CCDC159: variants seen among roughly 807,000 people sequenced by gnomAD.
The protein encoded by CCDC159 is coiled-coil domain containing 159, also known as coiled-coil domain-containing protein 159.
In CCDC159, 40 loss-of-function variants were observed where a neutral mutation model predicts 50.9. That is an observed-to-expected ratio of 0.79 (90% CI 0.61 to 1.02). The LOEUF (loss-of-function observed/expected upper bound fraction) is 1.02, where lower values mean the gene tolerates loss of function less well. Among genes scored for constraint, CCDC159 ranks in the 50% least tolerant of loss-of-function variants. The pLI, the probability that CCDC159 is intolerant of heterozygous loss-of-function variation, is 0.00. For synonymous variants in CCDC159, 146 were observed against 138.9 expected (o/e 1.05, Z -0.36); for missense variants, 356 against 371.5 (o/e 0.96, Z 0.34).
At chr19:11,347,834 G>T (rs1378237103) in intron 1 of CCDC159, among the ~76,000 whole-genome samples, 1 of 152,228 alleles carries the variant, frequency 6.6e-6, no homozygotes, top group Non-Finnish European at 1.5e-5. Flanking sequence ...CTATACTGGA[G>T]GGGGAGGGGA....
chr19:11,353,037 G>A (rs942266541), intron 7 of CCDC159, among the ~76,000 whole-genome samples: 2 of 152,062 alleles, frequency 1.3e-5, no homozygotes, highest in Non-Finnish European at 2.9e-5. Context: ...GCACTTGAAT[G>A]CAGTCTGGCA....
Position 11,350,175 on chromosome 19 carries a change from C to CA in CCDC159, c.205dup (p.Ile69AsnfsTer7), listed in dbSNP as rs1455862561. The CA allele has an allele frequency of 6.2e-7, 1 of 1,612,448 alleles. No homozygotes were observed. The highest frequency in any genetic ancestry group is 8.5e-7 in the Non-Finnish European group (1 of 1,179,426). On this transcript the variant is annotated frameshift_variant, in exon 4 of 11. Transcript: ENST00000458408. LOFTEE classifies it high-confidence loss of function. The stretch of plus-strand genomic sequence containing the variant: ...GTTGGAGAAGGAGAGCTGCTTGCAG[C>CA]AAATCAAGATTCAGCAGCTTGAAGG...
At position 11,351,938 on chromosome 19, in the gene CCDC159, T is replaced by C; in HGVS notation, c.455T>C (p.Val152Ala). 5 of 1,603,766 alleles carry C rather than the reference T, an allele frequency of 3.1e-6. No individual in the cohort carries two copies. The highest frequency in any genetic ancestry group is 1.1e-5 in the South Asian group (1 of 89,354). The change falls in exon 6 of 11, where the codon GTG (valine) becomes GCG (alanine). Residue 152 changes from valine to alanine, a missense_variant. Transcript: ENST00000458408. ...TTCCTGTGGGAGGAGCTGGAACTGG[T>C]GCGGGAGGAGGTGACCTTCATCTAT... Reference protein sequence around the residue: ...KKFLWEELELVREEVTFIYQK... With the variant: ...KKFLWEELELAREEVTFIYQK...
chr19:11,354,036 C>T (rs183739494), intron 9 of CCDC159, among the ~76,000 whole-genome samples, 162 bp downstream of exon 9: 1 of 152,290 alleles, frequency 6.6e-6, no homozygotes, highest in East Asian at 1.9e-4. Flanking sequence ...CTGGAGGTTT[C>T]ATCCAGGAGT....
Position 11,352,085 on chromosome 19 carries a change from C to T in CCDC159, c.519C>T (p.Asn173=), listed in dbSNP as rs752866672. 1.9e-6 allele frequency: 3 copies of T among 1,613,664 alleles called. No homozygotes were observed. The highest frequency in any genetic ancestry group is 8.5e-7 in the Non-Finnish European group (1 of 1,179,810). The change falls in exon 7 of 11, where the codon AAC becomes AAT. Residue 173 remains asparagine (N), a synonymous_variant. Transcript: ENST00000458408. The stretch of plus-strand genomic sequence containing the variant: ...CGCAGGAGGATGAGATCTCAGAGAA[C>T]TTGGTGAACATTCAGAAAATGCAGA... ...LQAQEDEISE[N]LVNIQKMQKT...
At chr19:11,353,696 T>G in intron 8 of CCDC159, 96 bp from the exon 9 acceptor site, 1 of 1,547,396 alleles carries the variant, frequency 6.5e-7, no homozygotes, top group Non-Finnish European at 8.8e-7. Context: ...CCCCTAGGAC[T>G]CACCCCACCA....
intron 7 of CCDC159, 48 bp from the exon 8 acceptor site, chr19:11,353,403 T>C: frequency 3.9e-6 from 6 of 1,529,458 alleles, no homozygotes; most frequent in East Asian, 2.5e-5. Context: ...CCTGGCACTA[T>C]TGTCATTATT....
At position 11,354,916 on chromosome 19, in the gene CCDC159, G is replaced by A. The variant is rs752448759; in HGVS notation, c.*39G>A. 1 of 1,608,952 alleles carries A rather than the reference G, an allele frequency of 6.2e-7. No individual in the cohort carries two copies. The highest frequency in any genetic ancestry group is 1.7e-5 in the Admixed American group (1 of 59,986). On this transcript the variant is annotated 3_prime_UTR_variant, in exon 11 of 11. Transcript: ENST00000458408. The stretch of plus-strand genomic sequence containing the variant: ...CTCTCCCTGAAGACCCCTCCAGAGA[G>A]AAAATAAACTAGCCCAGACCCTCCT...
chr19:11,349,532 C>T (rs1037086194), intron 1 of CCDC159, 122 bp from the exon 2 acceptor site: 53 of 1,297,430 alleles, frequency 4.1e-5, no homozygotes, highest in East Asian at 3.2e-4. Context: ...CCTGCACTTA[C>T]GGTTTGGGAC....
chr19:11,353,804 C>G lies in CCDC159; in HGVS notation c.702C>G (p.His234Gln), dbSNP rs377572115. ...KELSDIWSAV[H>Q]VLQNSIDSLT... ...TGTCTTCTTGCAGGTCTGCTGTGCA[C>G]GTGCTGCAGAACTCCATAGACAGCC... The change falls in exon 9 of 11, where the codon CAC (histidine) becomes CAG (glutamine). Residue 234 changes from histidine (H) to glutamine (Q), a missense_variant. Transcript: ENST00000458408. 5.6e-6 allele frequency: 9 copies of G among 1,597,412 alleles called. No homozygotes were observed. Among genetic ancestry groups the G allele is most frequent in the Admixed American group, 1.7e-5 (1 of 57,334 alleles).
In CCDC159 at chr19:11,349,253, G is replaced by A. The variant is rs1967438832; in HGVS notation, c.22-401G>A. On this transcript the variant is annotated intron_variant, in intron 1 of 10. Coordinates refer to ENST00000458408, the MANE Select transcript of CCDC159 (RefSeq NM_001080503.3). Reference sequence around the variant, plus strand: ...GAAAACCACTGCAATCTACTGCTGTGGGGCTTAGGGAAGGGGCTGTAAGGC... The same window carrying A: ...GAAAACCACTGCAATCTACTGCTGTAGGGCTTAGGGAAGGGGCTGTAAGGC... The A allele has an allele frequency of 5.4e-6, 6 of 1,101,516 alleles. No individual in the cohort carries two copies. In the Admixed American group the frequency reaches 1.5e-4, roughly 28 times the overall value. 68.2% of individuals were successfully genotyped at this position (1,101,516 alleles called of 1,614,324 possible).
In CCDC159 at chr19:11,352,044, C is replaced by A; in HGVS notation, c.491-13C>A. 1 of 1,613,462 alleles carries A rather than the reference C, an allele frequency of 6.2e-7. No individual in the cohort carries two copies. Among genetic ancestry groups the A allele is most frequent in the East Asian group, 2.2e-5 (1 of 44,860 alleles). On this transcript the variant is annotated splice_polypyrimidine_tract_variant and intron_variant, in intron 6 of 10. Transcript: ENST00000458408. ...CTTCAGCCTTTGTCCGCCTGAGCCC[C>A]CTCCCTCCACAGAAGCGCAGGAGGA...
intron 5 of CCDC159, chr19:11,351,211 C>T (rs939917792): frequency 9.2e-5 from 49 of 531,222 alleles, no homozygotes; most frequent in Admixed American, 1.4e-4. Context: ...CCGAGATGGG[C>T]GGATCACCTG....
intron 4 of CCDC159, 140 bp downstream of exon 4, chr19:11,350,339 C>A (rs1174384598): frequency 1.8e-4 from 101 of 576,062 alleles, no homozygotes; most frequent in Non-Finnish European, 2.5e-4. Context: ...CATGGTGAAA[C>A]CCCATATCTA....
At position 11,350,944 on chromosome 19, in the gene CCDC159, G is replaced by C. The variant is rs754438678; in HGVS notation, c.363G>C (p.Glu121Asp). 2 of 1,554,758 alleles carry C rather than the reference G, an allele frequency of 1.3e-6. No homozygotes were observed. The highest frequency in any genetic ancestry group is 1.7e-6 in the Non-Finnish European group (2 of 1,149,350). Residue 121 changes from glutamate (E) to aspartate (D), a missense_variant, in exon 5 of 11, where the codon GAG becomes GAC. Physicochemically the swap from Glu to Asp is conservative, Grantham distance 45. Transcript: ENST00000458408. ...AGAAGACCCTGCGTGACAGTGAGGA[G>C]ATGCAGCGGGCCCGCACCACTCGCT... is the stretch of plus-strand genomic sequence containing the variant. Reference protein sequence around the residue: ...GLEKTLRDSEEMQRARTTRCL... With the variant: ...GLEKTLRDSEDMQRARTTRCL...
chr19:11,351,920 G>T lies in CCDC159; in HGVS notation c.437G>T (p.Trp146Leu). The T allele has an allele frequency of 6.3e-7, 1 of 1,599,190 alleles. No homozygotes were observed. Among genetic ancestry groups the T allele is most frequent in the East Asian group, 2.3e-5 (1 of 44,156 alleles). The stretch of plus-strand genomic sequence containing the variant: ...TGTCCCCTCAGCAAGAAGTTCCTGT[G>T]GGAGGAGCTGGAACTGGTGCGGGAG... ...QEIRDSKKFL[W>L]EELELVREEV... The change falls in exon 6 of 11, where the codon TGG (tryptophan) becomes TTG (leucine). Residue 146 changes from tryptophan (W) to leucine (L), a missense_variant. Coordinates refer to ENST00000458408, the MANE Select transcript of CCDC159 (RefSeq NM_001080503.3).
intron 7 of CCDC159, 33 bp from the exon 8 acceptor site, chr19:11,353,418 T>C: frequency 6.5e-7 from 1 of 1,540,998 alleles, no homozygotes; most frequent in South Asian, 1.2e-5. Context: ...ATTATTATTA[T>C]GACTGCTGTT....
In CCDC159 at chr19:11,346,601, TC is replaced by T; in HGVS notation, c.-3del. ...TCACAGCTGAGGACTGGCTTCGTGG[TC>T]CCTGATGGGAGAGCATGAACAGGTG... On this transcript the variant is annotated 5_prime_UTR_variant, in exon 1 of 11. Coordinates refer to ENST00000458408, the MANE Select transcript of CCDC159 (RefSeq NM_001080503.3). 6.4e-7 allele frequency: 1 copy of T among 1,551,448 alleles called. No homozygotes were observed. Among genetic ancestry groups the T allele is most frequent in the Non-Finnish European group, 8.7e-7 (1 of 1,146,904 alleles).
intron 1 of CCDC159, 129 bp downstream of exon 1, chr19:11,346,756 G>A (rs966884080): frequency 9.3e-7 from 1 of 1,074,970 alleles, no homozygotes; most frequent in Non-Finnish European, 1.4e-6. Flanking sequence ...CAGCAACCGG[G>A]ATGGGACGGG....
Sources: gnomAD v4.1 joint callset for allele counts (sites outside exome capture counted in the v4.1 genomes callset) on GRCh38, gnomAD v4.1.1 for gene constraint, MANE v1.5 for transcripts, NCBI Gene and HGNC (gene_info 2026-07-23, HGNC 2026-07-21) for gene names.